Variants in TRPC5 observed in about 807,000 individuals in gnomAD.
TRPC5 encodes transient receptor potential cation channel subfamily C member 5, also known as short transient receptor potential channel 5.
In TRPC5, 9 loss-of-function variants were observed where a neutral mutation model predicts 56.5. That is an observed-to-expected ratio of 0.16 (90% CI 0.10 to 0.28). TRPC5 has a LOEUF of 0.28. Ranked by LOEUF, TRPC5 falls within the 10% of genes least tolerant of loss-of-function variation. The pLI, the probability that TRPC5 is intolerant of heterozygous loss-of-function variation, is 1.00. For synonymous variants in TRPC5, 282 were observed against 278.5 expected (o/e 1.01, Z -0.13); for missense variants, 469 against 748.9 (o/e 0.63, Z 4.36).
At chrX:111,867,677 G>C (rs1217289953) in intron 3 of TRPC5, among the ~76,000 whole-genome samples, 1 of 111,963 alleles carries the variant, frequency 8.9e-6, no homozygotes, top group Non-Finnish European at 1.9e-5. Context: ...GGCATTTACT[G>C]TTTTTGTTAA....
chrX:111,971,407 C>G (rs12848885), intron 1 of TRPC5, among the ~76,000 whole-genome samples: 2,218 of 111,257 alleles, frequency 0.02, 26 homozygotes, highest in Middle Eastern at 0.06. Context: ...AATCTCAATT[C>G]CTTTTGACAC....
intron 2 of TRPC5, among the ~76,000 whole-genome samples, chrX:111,939,842 C>G (rs1001686802): frequency 9.0e-6 from 1 of 111,505 alleles, no homozygotes; most frequent in Admixed American, 9.5e-5. Context: ...TAAAAACCAA[C>G]TTTTCATTTC....
intron 3 of TRPC5, chrX:111,904,037 A>C (rs934300297): frequency 6.2e-5 from 7 of 112,109 alleles, no homozygotes; most frequent in Non-Finnish European, 1.3e-4. Context: ...GAGGCTACCA[A>C]ATGGGCCCAC....
chrX:112,019,999 G>T (rs899504165), intron 1 of TRPC5, among the ~76,000 whole-genome samples: 2 of 111,956 alleles, frequency 1.8e-5, no homozygotes, highest in African/African-American at 3.2e-5. Context: ...TTTAGAAAAA[G>T]AAAACTACTT....
chrX:111,990,061 AT>A (rs1928312912), intron 1 of TRPC5, among the ~76,000 whole-genome samples: 1 of 112,097 alleles, frequency 8.9e-6, no homozygotes. Context: ...AGAACATTCT[AT>A]TTTTCTTTAA....
intron 7 of TRPC5, among the ~76,000 whole-genome samples, chrX:111,802,310 A>G (rs1921335847): frequency 9.0e-6 from 1 of 111,478 alleles, no homozygotes; most frequent in African/African-American, 3.3e-5. Flanking sequence ...TAAATCCTCA[A>G]ACTTCATTGA....
intron 7 of TRPC5, among the ~76,000 whole-genome samples, chrX:111,799,846 AGAG>A (rs1921246730): frequency 1.8e-5 from 2 of 111,971 alleles, no homozygotes; most frequent in Non-Finnish European, 3.8e-5. Context: ...ATACCACAGC[AGAG>A]GAATTAACTG....
At chrX:111,926,639 C>T (rs969371413) in intron 2 of TRPC5, among the ~76,000 whole-genome samples, 14 of 112,062 alleles carry the variant, frequency 1.2e-4, no homozygotes, top group Non-Finnish European at 2.6e-4. Flanking sequence ...TACAAATATG[C>T]TAGGAAGTTT....
intron 1 of TRPC5, among the ~76,000 whole-genome samples, chrX:112,045,869 C>G (rs1266514202): frequency 9.0e-6 from 1 of 111,470 alleles, no homozygotes; most frequent in Non-Finnish European, 1.9e-5. Context: ...ACGTGGCTTT[C>G]CAGGGGTTAA....
At chrX:111,940,457 G>A (rs957474206) in intron 2 of TRPC5, among the ~76,000 whole-genome samples, 1 of 111,308 alleles carries the variant, frequency 9.0e-6, no homozygotes, top group Non-Finnish European at 1.9e-5. Flanking sequence ...TTGGGAGGCT[G>A]AGGTGGGCGG....
chrX:111,987,064 A>G (rs904586323), intron 1 of TRPC5, among the ~76,000 whole-genome samples: 8 of 111,938 alleles, frequency 7.1e-5, no homozygotes, highest in Middle Eastern at 4.6e-3. Flanking sequence ...TGTATCATAT[A>G]CAAATCATCC....
intron 2 of TRPC5, among the ~76,000 whole-genome samples, chrX:111,918,564 A>C (rs780323983): frequency 2.7e-5 from 3 of 110,104 alleles, no homozygotes; most frequent in Non-Finnish European, 5.7e-5. Context: ...TGGAAAATTC[A>C]GGTTTTGGAT....
chrX:112,060,840 C>T (rs1851736990), intron 1 of TRPC5, among the ~76,000 whole-genome samples: 1 of 112,523 alleles, frequency 8.9e-6, no homozygotes, highest in South Asian at 3.7e-4. Flanking sequence ...TTGTTAGCTG[C>T]AATATGCTTT....
At chrX:111,808,032 A>G (rs753990335) in intron 7 of TRPC5, among the ~76,000 whole-genome samples, 1 of 104,525 alleles carries the variant, frequency 9.6e-6, no homozygotes, top group East Asian at 3.0e-4. Context: ...AGGTAACACA[A>G]GCACCACTGT....
intron 3 of TRPC5, among the ~76,000 whole-genome samples, chrX:111,905,914 C>CAAAAAAAAA (rs1202912083): frequency 3.5e-4 from 13 of 37,010 alleles, no homozygotes; most frequent in African/African-American, 1.5e-3. Flanking sequence ...GTCTCTGTCT[C>CAAAAAAAAA]AAAAAAAAAA....
intron 1 of TRPC5, among the ~76,000 whole-genome samples, chrX:112,078,972 T>G (rs1930900529): frequency 9.0e-6 from 1 of 111,653 alleles, no homozygotes; most frequent in Non-Finnish European, 1.9e-5. Context: ...CCCTCATCTG[T>G]GGGATGAGGA....
chrX:111,791,758 GC>G (rs1426080858), intron 7 of TRPC5, among the ~76,000 whole-genome samples: 1 of 112,298 alleles, frequency 8.9e-6, no homozygotes, highest in Non-Finnish European at 1.9e-5. Context: ...GGTCTCATAA[GC>G]AATGGAACAG....
chrX:111,925,346 C>T (rs3905419), intron 2 of TRPC5, among the ~76,000 whole-genome samples: 2,693 of 112,187 alleles, frequency 0.024, 92 homozygotes, highest in African/African-American at 0.083. Flanking sequence ...TATATGCTAT[C>T]GATTTCAAAG....
intron 6 of TRPC5, among the ~76,000 whole-genome samples, chrX:111,842,939 G>A (rs955818843): frequency 3.6e-5 from 4 of 112,474 alleles, no homozygotes; most frequent in African/African-American, 1.3e-4. Flanking sequence ...TTACTCTTAG[G>A]CCCATGTATG....
Sources: allele counts gnomAD v4.1 joint callset (sites outside exome capture counted in the v4.1 genomes callset), GRCh38; gene constraint gnomAD v4.1.1; transcripts MANE v1.5; gene names NCBI Gene and HGNC (gene_info 2026-07-23, HGNC 2026-07-21).